CCR3: variants seen among roughly 807,000 people sequenced by gnomAD.
CCR3 encodes C-C motif chemokine receptor 3, also known as C-C chemokine receptor type 3.
For missense variants in CCR3, 419 were observed against 437.5 expected (o/e 0.96, Z 0.38); for synonymous variants, 203 against 179.2 (o/e 1.13, Z -1.06).
chr3:46,253,955 C>T (rs1016163384), intron 1 of CCR3, among the ~76,000 whole-genome samples: 1 of 151,802 alleles, frequency 6.6e-6, no homozygotes, highest in African/African-American at 2.4e-5. Context: ...GTTTCTTACT[C>T]TGATTTATGT....
chr3:46,240,049 C>T (rs958389409), upstream of CCR3, among the ~76,000 whole-genome samples: 3 of 152,190 alleles, frequency 2.0e-5, no homozygotes, highest in Non-Finnish European at 4.4e-5. Flanking sequence ...ACTACCTCTG[C>T]CAGGCCCATG....
intron 1 of CCR3, among the ~76,000 whole-genome samples, chr3:46,250,116 C>T (rs1700277017): frequency 6.6e-6 from 1 of 152,042 alleles, no homozygotes; most frequent in African/African-American, 2.4e-5. Context: ...GAAAAAGAGC[C>T]TAAACGCTTC....
intron 1 of CCR3, among the ~76,000 whole-genome samples, chr3:46,253,665 A>T (rs901864886): frequency 1.6e-5 from 2 of 122,940 alleles, no homozygotes; most frequent in African/African-American, 3.6e-5. Context: ...TAACCCCATC[A>T]CATGTTAACC....
chr3:46,236,699 C>T (rs1392707520), intron 2 of CCR3, among the ~76,000 whole-genome samples: 4 of 152,198 alleles, frequency 2.6e-5, no homozygotes, highest in Admixed American at 2.6e-4. Flanking sequence ...CCAGAGTTTC[C>T]CAGCAGCATT....
At chr3:46,262,159 A>G (rs181443674) in intron 1 of CCR3, among the ~76,000 whole-genome samples, 2 of 152,396 alleles carry the variant, frequency 1.3e-5, no homozygotes, top group East Asian at 3.9e-4. Flanking sequence ...AGCTGACAGC[A>G]TAAAGAGGAT....
chr3:46,234,039 G>A (rs1699996717), intron 2 of CCR3, among the ~76,000 whole-genome samples: 1 of 152,250 alleles, frequency 6.6e-6, no homozygotes, highest in Non-Finnish European at 1.5e-5. Flanking sequence ...AATGGACAGG[G>A]GGCAGTATGC....
At chr3:46,264,903 C>A (rs1700588128) in intron 1 of CCR3, among the ~76,000 whole-genome samples, 1 of 152,068 alleles carries the variant, frequency 6.6e-6, no homozygotes, top group Admixed American at 6.6e-5. Context: ...TCTTCACCAC[C>A]ACCCCACAAC....
chr3:46,250,575 C>T lies in CCR3; in HGVS notation c.-12+8037C>T, dbSNP rs184157328. The stretch of plus-strand genomic sequence containing the variant: ...TTTAGATCTTGTAGGATGGAGAAAT[C>T]GAAAGTGCCATTTTCTGGCCATTTA... On this transcript the variant is annotated intron_variant, in intron 1 of 1. Transcript: ENST00000395940. 3.9e-5 allele frequency among the ~76,000 whole-genome samples: 6 copies of T among 152,168 alleles called. No individual in the cohort carries two copies. The East Asian group carries it at 7.7e-4, about 20-fold the overall frequency.
intron 1 of CCR3, among the ~76,000 whole-genome samples, chr3:46,248,107 G>A (rs1490775660): frequency 1.3e-5 from 2 of 152,032 alleles, no homozygotes; most frequent in Non-Finnish European, 1.5e-5. Context: ...GAGATATGGG[G>A]AAATGGGGTG....
At chr3:46,251,877 C>T (rs1025878848) in intron 1 of CCR3, among the ~76,000 whole-genome samples, 1 of 152,108 alleles carries the variant, frequency 6.6e-6, no homozygotes, top group African/African-American at 2.4e-5. Flanking sequence ...AGGACTTTCA[C>T]AAGGTAATGT....
intron 2 of CCR3, among the ~76,000 whole-genome samples, chr3:46,226,723 A>G (rs1699901294): frequency 6.6e-6 from 1 of 151,964 alleles, no homozygotes; most frequent in Non-Finnish European, 1.5e-5. Flanking sequence ...TTTGTTCTTG[A>G]TCTTAGAGGA....
At chr3:46,219,241 A>C (rs932144685) in intron 2 of CCR3, among the ~76,000 whole-genome samples, 5 of 152,100 alleles carry the variant, frequency 3.3e-5, no homozygotes, top group African/African-American at 1.2e-4. Context: ...GCTGCAAAAA[A>C]TAATATTATA....
Position 46,265,278 on chromosome 3 carries a change from G to T in CCR3, c.120G>T (p.Leu40=). 6.2e-7 allele frequency: 1 copy of T among 1,614,064 alleles called. No individual in the cohort carries two copies. Among genetic ancestry groups the T allele is most frequent in the South Asian group, 1.1e-5 (1 of 91,072 alleles). ...TGATGGCCCAGTTTGTGCCCCCGCT[G>T]TACTCCCTGGTGTTCACTGTGGGCC... is the stretch of plus-strand genomic sequence containing the variant. ...RALMAQFVPP[L]YSLVFTVGLL... The change falls in exon 2 of 2, where the codon CTG becomes CTT. Residue 40 remains leucine (L), a synonymous_variant. Coordinates refer to ENST00000395940, the MANE Select transcript of CCR3 (RefSeq NM_178329.3).
chr3:46,240,481 G>A (rs1216645041), upstream of CCR3, among the ~76,000 whole-genome samples: 2 of 151,950 alleles, frequency 1.3e-5, no homozygotes, highest in South Asian at 2.1e-4. Context: ...GCCAAATTCT[G>A]TTCATCCCTC....
At chr3:46,257,799 G>A (rs754563047) in intron 1 of CCR3, among the ~76,000 whole-genome samples, 2 of 152,138 alleles carry the variant, frequency 1.3e-5, no homozygotes, top group Non-Finnish European at 2.9e-5. Context: ...TCTACAAGCT[G>A]GAGACCCTGG....
intron 2 of CCR3, among the ~76,000 whole-genome samples, chr3:46,236,112 G>T (rs375460371): frequency 1.3e-5 from 2 of 152,270 alleles, no homozygotes; most frequent in East Asian, 1.9e-4. Context: ...GGAGTGGCTT[G>T]AGCCTGTGTG....
At chr3:46,265,074 TA>T in intron 1 of CCR3, 73 bp from the exon 2 acceptor site, 2 of 961,356 alleles carry the variant, frequency 2.1e-6, no homozygotes, top group South Asian at 3.2e-5. Flanking sequence ...AGTACATGAA[TA>T]AATCAACTGG....
intron 2 of CCR3, among the ~76,000 whole-genome samples, chr3:46,214,703 C>A (rs956188307): frequency 6.6e-6 from 1 of 152,078 alleles, no homozygotes; most frequent in African/African-American, 2.4e-5. Flanking sequence ...CTGGGGAGAC[C>A]AGTAGATAGT....
At chr3:46,226,942 G>T (rs932202603) in intron 2 of CCR3, among the ~76,000 whole-genome samples, 1 of 151,870 alleles carries the variant, frequency 6.6e-6, no homozygotes, top group Non-Finnish European at 1.5e-5. Context: ...CATGATCTCG[G>T]CTCACTGCAA....
Sources: allele counts gnomAD v4.1 joint callset (sites outside exome capture counted in the v4.1 genomes callset), GRCh38; gene constraint gnomAD v4.1.1; transcripts MANE v1.5; gene names NCBI Gene and HGNC (gene_info 2026-07-23, HGNC 2026-07-21).